UBE2E2: variants seen among roughly 807,000 people sequenced by gnomAD.
UBE2E2 encodes ubiquitin-conjugating enzyme E2 E2.
UBE2E2 carries 6 observed loss-of-function variants against 24.7 expected under a neutral mutation model. That is an observed-to-expected ratio of 0.24 (90% confidence interval 0.13 to 0.48). UBE2E2 has a LOEUF of 0.48. Ranked by LOEUF, UBE2E2 falls within the 20% of genes least tolerant of loss-of-function variation. The pLI, the probability that UBE2E2 is intolerant of heterozygous loss-of-function variation, is 0.99. For synonymous variants in UBE2E2, 104 were observed against 83.6 expected, an observed-to-expected ratio of 1.24 and a Z score of -1.33; for missense variants, 169 against 245.0, an observed-to-expected ratio of 0.69 and a Z score of 2.07.
chr3:23,283,508 G>A (rs141446812), intron 3 of UBE2E2, among the ~76,000 whole-genome samples: 155 of 152,290 alleles, frequency 1.0e-3, no homozygotes, highest in African/African-American at 3.6e-3. Context: ...GCCGAGGTGG[G>A]ATCGCTTGAG....
intron 5 of UBE2E2, among the ~76,000 whole-genome samples, chr3:23,534,955 A>C (rs1444100028): frequency 6.6e-6 from 1 of 152,184 alleles, no homozygotes; most frequent in Non-Finnish European, 1.5e-5. Context: ...CCATACATAA[A>C]CTTATTTTCT....
intron 3 of UBE2E2, among the ~76,000 whole-genome samples, chr3:23,234,784 A>C (rs930243474): frequency 1.3e-5 from 2 of 152,194 alleles, no homozygotes; most frequent in Non-Finnish European, 2.9e-5. Flanking sequence ...GTTAAGCGGT[A>C]AGAGTTTGTC....
At chr3:23,445,882 A>G (rs1420330395) in intron 3 of UBE2E2, among the ~76,000 whole-genome samples, 1 of 152,152 alleles carries the variant, frequency 6.6e-6, no homozygotes, top group Non-Finnish European at 1.5e-5. Flanking sequence ...TCTAGCAGAA[A>G]GTTCTTCTCT....
chr3:23,509,919 A>G (rs1251574905), intron 4 of UBE2E2, among the ~76,000 whole-genome samples: 1 of 151,928 alleles, frequency 6.6e-6, no homozygotes, highest in East Asian at 1.9e-4. Flanking sequence ...ATCATTTTTT[A>G]TGGCCGCATA....
chr3:23,542,388 G>C (rs967867494), intron 5 of UBE2E2, among the ~76,000 whole-genome samples: 2 of 152,156 alleles, frequency 1.3e-5, no homozygotes, highest in African/African-American at 4.8e-5. Context: ...GTAAAAGTTT[G>C]TAAGTGAAAA....
chr3:23,447,400 A>G (rs1459157714), intron 3 of UBE2E2, among the ~76,000 whole-genome samples: 1 of 152,364 alleles, frequency 6.6e-6, no homozygotes. Context: ...CCTTTCTGAT[A>G]TCAATTACTT....
At chr3:23,332,945 C>T (rs1486580711) in intron 3 of UBE2E2, among the ~76,000 whole-genome samples, 1 of 152,160 alleles carries the variant, frequency 6.6e-6, no homozygotes, top group Non-Finnish European at 1.5e-5. Context: ...CTGGAAAATA[C>T]AGCTATACGT....
intron 3 of UBE2E2, among the ~76,000 whole-genome samples, chr3:23,354,081 C>T (rs1045502845): frequency 1.3e-5 from 2 of 152,114 alleles, no homozygotes; most frequent in Admixed American, 1.3e-4. Flanking sequence ...GAAATAACGC[C>T]ACATATCTAC....
intron 1 of UBE2E2, among the ~76,000 whole-genome samples, chr3:23,206,452 G>A (rs1696149627): frequency 6.6e-6 from 1 of 152,180 alleles, no homozygotes; most frequent in Admixed American, 6.5e-5. Flanking sequence ...CATAAAAGAT[G>A]TCACAGCTGT....
At chr3:23,566,244 T>C (rs947622444) in intron 5 of UBE2E2, among the ~76,000 whole-genome samples, 2 of 152,192 alleles carry the variant, frequency 1.3e-5, no homozygotes, top group African/African-American at 4.8e-5. Context: ...AAAAATACAA[T>C]TTAATAGGCT....
chr3:23,340,639 A>G (rs952494845), intron 3 of UBE2E2, among the ~76,000 whole-genome samples: 5 of 152,178 alleles, frequency 3.3e-5, no homozygotes, highest in Non-Finnish European at 7.4e-5. Flanking sequence ...ATTTTAAAAC[A>G]AGAAAAAAGA....
At chr3:23,269,344 A>AC in intron 3 of UBE2E2, among the ~76,000 whole-genome samples, 1 of 152,224 alleles carries the variant, frequency 6.6e-6, no homozygotes, top group Non-Finnish European at 1.5e-5. Context: ...ATGAACTCAA[A>AC]AAATTTACAA....
At chr3:23,336,209 A>G (rs977535887) in intron 3 of UBE2E2, among the ~76,000 whole-genome samples, 1 of 152,212 alleles carries the variant, frequency 6.6e-6, no homozygotes, top group Non-Finnish European at 1.5e-5. Context: ...ATGCAAGGAA[A>G]TAATAATTGT....
chr3:23,518,539 A>T (rs2125472529), intron 4 of UBE2E2, among the ~76,000 whole-genome samples: 1 of 152,352 alleles, frequency 6.6e-6, no homozygotes, highest in Admixed American at 6.5e-5. Flanking sequence ...GAGGAAGGAA[A>T]CTTAGATCCA....
chr3:23,361,766 A>G (rs933154951), intron 3 of UBE2E2, among the ~76,000 whole-genome samples: 4 of 152,170 alleles, frequency 2.6e-5, no homozygotes, highest in Non-Finnish European at 4.4e-5. Flanking sequence ...CCACTAAGGA[A>G]CTTATCCATG....
At chr3:23,252,711 G>T (rs894365621) in intron 3 of UBE2E2, among the ~76,000 whole-genome samples, 1 of 152,052 alleles carries the variant, frequency 6.6e-6, no homozygotes, top group Non-Finnish European at 1.5e-5. Flanking sequence ...TGCTCAGTCT[G>T]GTCTTGAACT....
chr3:23,279,910 T>A lies in UBE2E2; in HGVS notation c.227+62598T>A, dbSNP rs182807056. Among the ~76,000 whole-genome samples the A allele has an allele frequency of 6.2e-3, 938 of 152,288 alleles. 14 individuals carry two copies. Among genetic ancestry groups the A allele is most frequent in the African/African-American group, 0.021 (870 of 41,554 alleles). ...CTGGCCACTTAATTTTCTCTGAGGGTCTCATCTTAGCCACAGAGCCCATCT... is the reference window on the plus strand; with the variant it reads ...CTGGCCACTTAATTTTCTCTGAGGGACTCATCTTAGCCACAGAGCCCATCT... On this transcript the variant is annotated intron_variant, in intron 3 of 5. Coordinates refer to ENST00000396703, the MANE Select transcript of UBE2E2 (RefSeq NM_152653.4).
intron 5 of UBE2E2, among the ~76,000 whole-genome samples, chr3:23,533,619 ATTTTTTTT>A (rs759984741): frequency 9.2e-5 from 10 of 108,508 alleles, no homozygotes; most frequent in Admixed American, 5.3e-4. Flanking sequence ...GCAAATTAGT[ATTTTTTTT>A]TTTTTTTTTT....
intron 3 of UBE2E2, among the ~76,000 whole-genome samples, chr3:23,316,104 G>T (rs974640873): frequency 6.6e-6 from 1 of 152,078 alleles, no homozygotes; most frequent in Non-Finnish European, 1.5e-5. Context: ...GTCTTATCCA[G>T]GGTCCCCTGT....
Sources: gnomAD v4.1 joint callset for allele counts (sites outside exome capture counted in the v4.1 genomes callset) on GRCh38, gnomAD v4.1.1 for gene constraint, MANE v1.5 for transcripts, NCBI Gene and HGNC (gene_info 2026-07-23, HGNC 2026-07-21) for gene names.